Variants in MOV10L1 observed in about 807,000 individuals in gnomAD.
MOV10L1 encodes Mov10 like RNA helicase 1, also known as RNA helicase Mov10l1.
Under a neutral mutation model 143.8 loss-of-function variants are expected in MOV10L1, and 110 were observed. The observed-to-expected ratio is 0.76, with a 90% confidence interval of 0.66 to 0.90. The LOEUF (loss-of-function observed/expected upper bound fraction) is 0.90, where lower values mean the gene tolerates loss of function less well. MOV10L1 is among the 40% of genes least tolerant of loss of function. The pLI is 0.00. For missense variants in MOV10L1, 1,406 were observed against 1,526.8 expected (o/e 0.92, Z 1.32); for synonymous variants, 593 against 581.1 (o/e 1.02, Z -0.29).
chr22:50,099,508 C>T lies in MOV10L1; in HGVS notation c.348C>T (p.Gly116=), dbSNP rs771451406. The change falls in exon 3 of 27, where the codon GGC becomes GGT. Residue 116 remains glycine, a synonymous_variant. Coordinates refer to ENST00000262794, the MANE Select transcript of MOV10L1 (RefSeq NM_018995.3). Reference sequence around the variant, plus strand: ...ACCATGGGAGTCCCTCAGACTGCGGCCCCCGAGTGTTGATTGGCTGTGTGA... The same window carrying T: ...ACCATGGGAGTCCCTCAGACTGCGGTCCCCGAGTGTTGATTGGCTGTGTGA... ...SRNHGSPSDC[G]PRVLIGCVTS... 5 of 1,614,150 alleles carry T rather than the reference C, an allele frequency of 3.1e-6. 1 individual carries two copies. The South Asian group carries it at 5.5e-5, about 18-fold the overall frequency.
At chr22:50,142,609 A>G (rs756347747) in intron 16 of MOV10L1, among the ~76,000 whole-genome samples, 1 of 151,920 alleles carries the variant, frequency 6.6e-6, no homozygotes, top group Non-Finnish European at 1.5e-5. Context: ...TGGGCAGATC[A>G]TATGAGCTCA....
rs1569059235 is a variant in MOV10L1, at chr22:50,161,352, TCTC to T, written c.3555-12_3555-10del. ...GAGCCTGGCTCACTGGCCATCCGCT[TCTC>T]CTCTGTCTACAGCTGTGGCGAGGGG... On this transcript the variant is annotated splice_polypyrimidine_tract_variant and intron_variant, in intron 26 of 26. Transcript: ENST00000262794. 1.3e-6 allele frequency: 2 copies of T among 1,562,472 alleles called. No individual in the cohort carries two copies. The highest frequency in any genetic ancestry group is 1.9e-5 in the Admixed American group (1 of 51,912).
chr22:50,100,006 T>C (rs544056787), intron 3 of MOV10L1, among the ~76,000 whole-genome samples: 26 of 148,556 alleles, frequency 1.8e-4, no homozygotes, highest in African/African-American at 5.9e-4. Flanking sequence ...TGTTTTTGTT[T>C]TTCGAGATGG....
At position 50,144,379 on chromosome 22, in the gene MOV10L1, T is replaced by C. The variant is rs184907608; in HGVS notation, c.2505+136T>C. ...CAGAAAGCTGTGTTTGAGAAATGGC[T>C]CTGCCATGGGCCCTCCCTCACCGCT... On this transcript the variant is annotated intron_variant, in intron 18 of 26. Transcript: ENST00000262794. 2.3e-4 allele frequency: 260 copies of C among 1,111,244 alleles called. 1 individual carries two copies. The African/African-American group carries it at 3.7e-3, about 16-fold the overall frequency. 68.8% of individuals were successfully genotyped at this position (1,111,244 alleles called of 1,614,324 possible).
intron 3 of MOV10L1, among the ~76,000 whole-genome samples, chr22:50,105,613 G>A (rs745665111): frequency 3.3e-5 from 5 of 152,126 alleles, no homozygotes; most frequent in Non-Finnish European, 7.4e-5. Context: ...GGTTCTACAT[G>A]TATTAAATAA....
intron 16 of MOV10L1, 100 bp from the exon 17 acceptor site, chr22:50,142,943 C>A: frequency 8.9e-7 from 1 of 1,126,910 alleles, no homozygotes; most frequent in Non-Finnish European, 1.3e-6. Context: ...CTGATTTAGC[C>A]TTTGCACAGA....
intron 15 of MOV10L1, among the ~76,000 whole-genome samples, chr22:50,141,621 T>C (rs892114885): frequency 2.0e-5 from 3 of 151,856 alleles, no homozygotes; most frequent in African/African-American, 7.3e-5. Context: ...ATGATAAGCG[T>C]GAGCCCCGTG....
At chr22:50,143,728 G>A (rs1397558981) in intron 17 of MOV10L1, among the ~76,000 whole-genome samples, 9 of 152,204 alleles carry the variant, frequency 5.9e-5, no homozygotes, top group Non-Finnish European at 1.2e-4. Context: ...TCAAAAAAGC[G>A]TTAAGTCAAA....
rs776668484 is a variant in MOV10L1, at chr22:50,159,736, C to G, written c.3275C>G (p.Ser1092Ter). ...GATCTGATGGATATAAAGGTTGGAT[C>G]AGTAGAGGAGTTTCAAGGACAAGAG... ...NVDLMDIKVG[S>*]VEEFQGQEYL... is the part of the protein sequence containing the mutation. The change falls in exon 24 of 27, where the codon TCA becomes TGA. Residue 1092 changes from serine to a stop codon, truncating the protein, a stop_gained. Coordinates refer to ENST00000262794, the MANE Select transcript of MOV10L1 (RefSeq NM_018995.3). LOFTEE classifies it high-confidence loss of function. This position sits in a 1 kb window ranked among gnomAD's most constrained non-coding sequence, Gnocchi z 4.1. 2 of 1,613,512 alleles carry G rather than the reference C, an allele frequency of 1.2e-6. No homozygotes were observed. The highest frequency in any genetic ancestry group is 2.2e-5 in the South Asian group (2 of 90,966).
chr22:50,113,228 C>A (rs2062071108), intron 5 of MOV10L1, among the ~76,000 whole-genome samples: 1 of 152,176 alleles, frequency 6.6e-6, no homozygotes, highest in Non-Finnish European at 1.5e-5. Flanking sequence ...TCAAACACTT[C>A]AAAGCAACAA....
At chr22:50,112,772 CA>C (rs2062058473) in intron 5 of MOV10L1, among the ~76,000 whole-genome samples, 1 of 152,240 alleles carries the variant, frequency 6.6e-6, no homozygotes, top group African/African-American at 2.4e-5. Flanking sequence ...AAGAGCTCCG[CA>C]GCTTCTCCTG....
chr22:50,093,934 G>C (rs1045056965), intron 2 of MOV10L1: 4 of 152,150 alleles, frequency 2.6e-5, no homozygotes, highest in Non-Finnish European at 4.4e-5. Context: ...CTTTTTCCCT[G>C]CTGATTTGGA....
In MOV10L1 at chr22:50,114,480, G is replaced by A. The variant is rs1569287008; in HGVS notation, c.984G>A (p.Met328Ile). 2 of 1,614,182 alleles carry A rather than the reference G, an allele frequency of 1.2e-6. No homozygotes were observed. Among genetic ancestry groups the A allele is most frequent in the African/African-American group, 1.3e-5 (1 of 75,040 alleles). The change falls in exon 7 of 27, where the codon ATG becomes ATA. Residue 328 changes from methionine to isoleucine, a missense_variant. This residue lies in a region of MOV10L1 where 1,233 missense variants were observed against 1,351.4 expected (regional missense o/e 0.91). Transcript: ENST00000262794. ...TCCAAATGCTGGATAAAGACCAGAT[G>A]TGCCCCGTGGTATCTTTTGTTTCTG... ...FRFQMLDKDQMCPVVSFVSVP... is the reference protein window; with the variant it reads ...FRFQMLDKDQICPVVSFVSVP...
chr22:50,107,262 G>A (rs2061897469), intron 3 of MOV10L1, among the ~76,000 whole-genome samples: 1 of 146,458 alleles, frequency 6.8e-6, no homozygotes, highest in South Asian at 2.2e-4. Context: ...TTTTAGTAGA[G>A]ACGGGGTTTC....
chr22:50,115,659 T>C lies in MOV10L1; in HGVS notation c.1259+413T>C, dbSNP rs529284221. Among the ~76,000 whole-genome samples, 141 of 152,338 alleles carry C rather than the reference T, an allele frequency of 9.3e-4. 1 individual carries two copies. The highest frequency in any genetic ancestry group is 3.2e-3 in the African/African-American group (132 of 41,586). On this transcript the variant is annotated intron_variant, in intron 8 of 26. Coordinates refer to ENST00000262794, the MANE Select transcript of MOV10L1 (RefSeq NM_018995.3). Reference sequence around the variant, plus strand: ...GTGACCCACCTGGGGCAATGGATCCTGTAACTTCGCACGACTCATGAGGGT... The same window carrying C: ...GTGACCCACCTGGGGCAATGGATCCCGTAACTTCGCACGACTCATGAGGGT...
chr22:50,158,855 G>A lies in MOV10L1; in HGVS notation c.3216+649G>A, dbSNP rs912317714. ...GTACCGCGCGTGTGCTGACCGCAGAGCCCGTCAAAGATGTTATGTTTCCTT... is the reference window on the plus strand; with the variant it reads ...GTACCGCGCGTGTGCTGACCGCAGAACCCGTCAAAGATGTTATGTTTCCTT... On this transcript the variant is annotated intron_variant, in intron 23 of 26. Transcript: ENST00000262794. This position sits in a 1 kb window ranked among gnomAD's most constrained non-coding sequence, Gnocchi z 5.0. 2 of 152,300 alleles carry A rather than the reference G, an allele frequency of 1.3e-5. No homozygotes were observed. Among genetic ancestry groups the A allele is most frequent in the African/African-American group, 4.8e-5 (2 of 41,454 alleles). 9.4% of individuals were successfully genotyped at this position (152,300 alleles called of 1,614,324 possible).
At chr22:50,117,055 G>A in intron 8 of MOV10L1, 102 bp from the exon 9 acceptor site, 2 of 1,003,312 alleles carry the variant, frequency 2.0e-6, no homozygotes, top group Non-Finnish European at 2.9e-6. Flanking sequence ...GACTAAAGAT[G>A]AGTCTTAACT....
Position 50,161,348 on chromosome 22 carries a change from C to A in MOV10L1, c.3555-20C>A. On this transcript the variant is annotated intron_variant, in intron 26 of 26. Coordinates refer to ENST00000262794, the MANE Select transcript of MOV10L1 (RefSeq NM_018995.3). ...GTGGGAGCCTGGCTCACTGGCCATCCGCTTCTCCTCTGTCTACAGCTGTGG... is the reference window on the plus strand; with the variant it reads ...GTGGGAGCCTGGCTCACTGGCCATCAGCTTCTCCTCTGTCTACAGCTGTGG... 1.9e-6 allele frequency: 3 copies of A among 1,548,276 alleles called. No homozygotes were observed. Among genetic ancestry groups the A allele is most frequent in the Non-Finnish European group, 2.6e-6 (3 of 1,145,630 alleles).
intron 15 of MOV10L1, among the ~76,000 whole-genome samples, chr22:50,141,482 C>T (rs937598980): frequency 1.3e-5 from 2 of 150,806 alleles, no homozygotes; most frequent in Middle Eastern, 3.4e-3. Flanking sequence ...GTGAGCACCA[C>T]CATGCCCGGC....
Sources: gnomAD v4.1 joint callset for allele counts (sites outside exome capture counted in the v4.1 genomes callset) on GRCh38, gnomAD v4.1.1 for gene constraint, gnomAD v4.1.1 regional missense constraint, Gnocchi (gnomAD v3.1) non-coding constraint, MANE v1.5 for transcripts, NCBI Gene and HGNC (gene_info 2026-07-23, HGNC 2026-07-21) for gene names.